The following MYRIP variants were observed in gnomAD, a reference collection of about 807,000 sequenced individuals.
MYRIP encodes the protein myosin VIIA and Rab interacting protein.
Under a neutral mutation model 98.0 loss-of-function variants are expected in MYRIP, and 49 were observed. The ratio of observed to expected loss-of-function variants is 0.50; its 90% CI spans 0.40 to 0.63. MYRIP has a LOEUF of 0.63. Ranked by LOEUF, MYRIP falls within the 30% of genes least tolerant of loss-of-function variation. The pLI is 0.00. For missense variants in MYRIP, 1,004 were observed against 1,058.2 expected (o/e 0.95, Z 0.71); for synonymous variants, 404 against 409.5 (o/e 0.99, Z 0.16).
At chr3:40,210,983 CCTCT>C in intron 11 of MYRIP, among the ~76,000 whole-genome samples, 1 of 60,956 alleles carries the variant, frequency 1.6e-5, no homozygotes, top group Non-Finnish European at 3.5e-5. Flanking sequence ...TTGAGTGTCT[CCTCT>C]GTGTCTCCTC....
At chr3:40,256,320 A>C (rs566658900) in intron 16 of MYRIP, among the ~76,000 whole-genome samples, 214 of 152,312 alleles carry the variant, frequency 1.4e-3, no homozygotes, top group African/African-American at 5.1e-3. Flanking sequence ...AATTAGAAAA[A>C]TCCACAGGGC....
chr3:40,257,131 G>A (rs1314482201), intron 16 of MYRIP, among the ~76,000 whole-genome samples: 1 of 152,184 alleles, frequency 6.6e-6, no homozygotes, highest in Non-Finnish European at 1.5e-5. Flanking sequence ...TTCAAGACCA[G>A]CCTGGGCAAC....
chr3:40,028,537 A>AT (rs1482345142), intron 2 of MYRIP, among the ~76,000 whole-genome samples: 2 of 152,198 alleles, frequency 1.3e-5, no homozygotes, highest in African/African-American at 4.8e-5. Context: ...AGCTTTGCAC[A>AT]TTTAAAACCT....
chr3:39,846,061 T>G (rs972337406), intron 1 of MYRIP, among the ~76,000 whole-genome samples: 1 of 152,180 alleles, frequency 6.6e-6, no homozygotes, highest in African/African-American at 2.4e-5. Context: ...TATATGCACA[T>G]TTTGGAAAAC....
intron 3 of MYRIP, among the ~76,000 whole-genome samples, chr3:40,085,411 A>G (rs1948606617): frequency 6.6e-6 from 1 of 152,042 alleles, no homozygotes; most frequent in Non-Finnish European, 1.5e-5. Context: ...CAGCCTCCCA[A>G]GTAGCTGGGA....
At chr3:39,888,097 T>C (rs1216141750) in intron 1 of MYRIP, among the ~76,000 whole-genome samples, 1 of 152,042 alleles carries the variant, frequency 6.6e-6, no homozygotes, top group Non-Finnish European at 1.5e-5. Context: ...AAAATGGCCA[T>C]ACTTCCCAAG....
At chr3:40,022,010 G>T (rs779323323) in intron 2 of MYRIP, among the ~76,000 whole-genome samples, 28 of 152,212 alleles carry the variant, frequency 1.8e-4, no homozygotes, top group Non-Finnish European at 3.8e-4. Flanking sequence ...TGCAAAGGAA[G>T]AATTGATCAA....
At chr3:40,193,632 C>T (rs147512569) in intron 10 of MYRIP, among the ~76,000 whole-genome samples, 1 of 152,244 alleles carries the variant, frequency 6.6e-6, no homozygotes, top group African/African-American at 2.4e-5. Flanking sequence ...TTAAAATAGA[C>T]TTGCCAAATT....
intron 12 of MYRIP, among the ~76,000 whole-genome samples, chr3:40,240,573 C>T (rs573426586): frequency 9.2e-5 from 14 of 152,268 alleles, no homozygotes; most frequent in South Asian, 6.2e-4. Context: ...CCGAATACTG[C>T]GCTTTTCCGA....
At chr3:40,221,332 T>C (rs947520047) in intron 11 of MYRIP, among the ~76,000 whole-genome samples, 3 of 152,176 alleles carry the variant, frequency 2.0e-5, no homozygotes, top group Admixed American at 2.0e-4. Flanking sequence ...TTTTGCCTAA[T>C]AAATTGGATG....
chr3:40,102,665 T>C (rs1213605562), intron 3 of MYRIP, among the ~76,000 whole-genome samples: 1 of 152,024 alleles, frequency 6.6e-6, no homozygotes, highest in African/African-American at 2.4e-5. Flanking sequence ...GTTGTAGAAG[T>C]GGTACAAGAT....
intron 2 of MYRIP, among the ~76,000 whole-genome samples, chr3:40,007,747 C>T (rs982433140): frequency 3.3e-5 from 5 of 152,120 alleles, no homozygotes; most frequent in African/African-American, 7.2e-5. Flanking sequence ...CAAAATCTGC[C>T]GAATGGTCAC....
At chr3:39,945,453 G>C (rs1387990192) in intron 2 of MYRIP, among the ~76,000 whole-genome samples, 1 of 145,360 alleles carries the variant, frequency 6.9e-6, no homozygotes, top group South Asian at 2.2e-4. Context: ...CTCCAGCCTG[G>C]GTGACAGAGC....
At chr3:40,135,404 T>C (rs1949742109) in intron 3 of MYRIP, among the ~76,000 whole-genome samples, 1 of 152,226 alleles carries the variant, frequency 6.6e-6, no homozygotes, top group African/African-American at 2.4e-5. Context: ...AATCTACATC[T>C]GATTGGTGTA....
chr3:40,099,640 A>G (rs1948903009), intron 3 of MYRIP, among the ~76,000 whole-genome samples: 1 of 152,130 alleles, frequency 6.6e-6, no homozygotes, highest in African/African-American at 2.4e-5. Context: ...TGCCCTGCCC[A>G]AAAAAGATCC....
chr3:40,050,871 G>A (rs1197503596), intron 3 of MYRIP, among the ~76,000 whole-genome samples: 3 of 152,190 alleles, frequency 2.0e-5, no homozygotes, highest in Non-Finnish European at 2.9e-5. Context: ...AACTGCAGAT[G>A]TGATAGAAAT....
chr3:40,214,168 T>C (rs188071013), intron 11 of MYRIP, among the ~76,000 whole-genome samples: 1,637 of 152,266 alleles, frequency 0.011, 9 homozygotes, highest in Non-Finnish European at 0.017. Context: ...CATCCATAAA[T>C]CGCAAATACT....
At chr3:40,061,590 G>A (rs1445545872) in intron 3 of MYRIP, among the ~76,000 whole-genome samples, 1 of 152,144 alleles carries the variant, frequency 6.6e-6, no homozygotes, top group African/African-American at 2.4e-5. Flanking sequence ...ACTCCTTTGG[G>A]TATGTACCCA....
At chr3:40,136,634 G>T (rs1261281465) in intron 3 of MYRIP, among the ~76,000 whole-genome samples, 24 of 150,752 alleles carry the variant, frequency 1.6e-4, no homozygotes, top group Non-Finnish European at 5.9e-5. Flanking sequence ...ATAGTTGGAA[G>T]TAAAACACTC....
Sources: gnomAD v4.1 joint callset for allele counts (sites outside exome capture counted in the v4.1 genomes callset) on GRCh38, gnomAD v4.1.1 for gene constraint, MANE v1.5 for transcripts, NCBI Gene and HGNC (gene_info 2026-07-23, HGNC 2026-07-21) for gene names.